The following PGAP1 variants were observed in gnomAD, a reference collection of about 807,000 sequenced individuals.
PGAP1 encodes GPI inositol-deacylase.
A neutral mutation model predicts 127.0 loss-of-function variants in PGAP1; 76 were observed. That is an observed-to-expected ratio of 0.60 (90% CI 0.50 to 0.72). The LOEUF (loss-of-function observed/expected upper bound fraction) is 0.72. PGAP1 is among the 30% of genes least tolerant of loss of function. PGAP1 has a pLI of 0.00. For synonymous variants in PGAP1, 362 were observed against 366.5 expected, an observed-to-expected ratio of 0.99 and a Z score of 0.14; for missense variants, 982 against 1,071.3, an observed-to-expected ratio of 0.92 and a Z score of 1.16.
chr2:196,863,712 G>A (rs1347501925), intron 20 of PGAP1, among the ~76,000 whole-genome samples: 1 of 152,062 alleles, frequency 6.6e-6, no homozygotes, highest in East Asian at 1.9e-4. Flanking sequence ...TGGACAGCTA[G>A]GATTACAGGC....
chr2:196,863,890 T>C (rs1227014799), intron 20 of PGAP1, among the ~76,000 whole-genome samples: 3 of 152,038 alleles, frequency 2.0e-5, no homozygotes, highest in African/African-American at 4.8e-5. Context: ...ATGACTATAG[T>C]TAATAATTTA....
At chr2:196,884,825 C>T (rs1701845802) in intron 12 of PGAP1, among the ~76,000 whole-genome samples, 1 of 152,174 alleles carries the variant, frequency 6.6e-6, no homozygotes. Flanking sequence ...ATTTTCATCA[C>T]ATTTTAGGAT....
chr2:196,926,334 G>A (rs1365942749), intron 1 of PGAP1, 136 bp downstream of exon 1: 9 of 1,339,406 alleles, frequency 6.7e-6, no homozygotes, highest in Admixed American at 4.5e-5. Context: ...CTCCCCGGGC[G>A]GAGAAAACAG....
At chr2:196,882,524 T>C (rs1701765572) in intron 12 of PGAP1, among the ~76,000 whole-genome samples, 1 of 152,198 alleles carries the variant, frequency 6.6e-6, no homozygotes, top group Admixed American at 6.5e-5. Flanking sequence ...CTCTGATTTA[T>C]TTGAACAGTG....
At chr2:196,842,013 C>T (rs1359554132) in intron 26 of PGAP1, among the ~76,000 whole-genome samples, 11 of 150,334 alleles carry the variant, frequency 7.3e-5, no homozygotes, top group Admixed American at 7.3e-4. Flanking sequence ...TTCAATAAGA[C>T]ATAGCTACAG....
Position 196,835,159 on chromosome 2 carries a change from G to A in PGAP1, c.*6075C>T, listed in dbSNP as rs1255596773. On this transcript the variant is annotated 3_prime_UTR_variant, in exon 27 of 27. Coordinates refer to ENST00000354764, the MANE Select transcript of PGAP1 (RefSeq NM_024989.4). ...ATCACATTTTCTACTTTTCTTCCAT[G>A]AGAACAACATATTAATGTTAACACT... The A allele has an allele frequency of 2.6e-5, 4 of 151,936 alleles. No individual in the cohort carries two copies. The highest frequency in any genetic ancestry group is 7.2e-5 in the African/African-American group (3 of 41,414). The allele number at this position is 151,936 out of a possible 1,614,324, so 9.4% of individuals were successfully genotyped here. A position where few individuals can be genotyped will look rare whatever the true frequency, so the allele number is the denominator to read the frequency against.
chr2:196,846,949 A>G, intron 22 of PGAP1, 54 bp downstream of exon 22: 1 of 1,401,858 alleles, frequency 7.1e-7, no homozygotes, highest in Non-Finnish European at 9.8e-7. Flanking sequence ...TCCTTATCAG[A>G]ATATATATTT....
rs138036688 is a variant in PGAP1 at position 196,843,946 on chromosome 2, G to C, written c.2467C>G (p.Leu823Val). 231 of 1,593,808 alleles carry C rather than the reference G, an allele frequency of 1.4e-4. 1 individual carries two copies. The East Asian group carries it at 4.1e-3, about 28-fold the overall frequency. ...LRMHSTVINL[L>V]TWIVLLSMPS... The stretch of plus-strand genomic sequence containing the variant: ...ATGCTGAGTAATACAATCCATGTTA[G>C]TAAGTTAATCACAGTACTGTGCATG... The change falls in exon 25 of 27, where the codon CTA becomes GTA. Residue 823 changes from leucine to valine, a missense_variant. By Grantham distance (32) the Leu-to-Val change is conservative. Coordinates refer to ENST00000354764, the MANE Select transcript of PGAP1 (RefSeq NM_024989.4).
At chr2:196,897,329 C>A in intron 6 of PGAP1, 132 bp from the exon 7 acceptor site, 2 of 475,908 alleles carry the variant, frequency 4.2e-6, no homozygotes, top group East Asian at 7.3e-5. Context: ...AATTATGTAA[C>A]AAATCATTCT....
chr2:196,923,203 T>C (rs769131688), intron 1 of PGAP1, among the ~76,000 whole-genome samples: 2 of 152,196 alleles, frequency 1.3e-5, no homozygotes, highest in Non-Finnish European at 2.9e-5. Context: ...TGTTTATCGA[T>C]TATTTTTTAG....
chr2:196,914,986 T>C (rs1043131372), intron 3 of PGAP1, among the ~76,000 whole-genome samples: 1 of 152,074 alleles, frequency 6.6e-6, no homozygotes, highest in African/African-American at 2.4e-5. Context: ...CCAGCTAATA[T>C]ATATATTTTT....
chr2:196,840,880 G>T lies in PGAP1; in HGVS notation c.*354C>A. On this transcript the variant is annotated 3_prime_UTR_variant, in exon 27 of 27. Transcript: ENST00000354764. ...GTTTGATGAAATGAGCAGAATGCTT[G>T]CAGTGAGACTGCAAATAATGCTGCA... is the stretch of plus-strand genomic sequence containing the variant. 1 of 174,090 alleles carries T rather than the reference G, an allele frequency of 5.7e-6. No individual in the cohort carries two copies. Among genetic ancestry groups the T allele is most frequent in the East Asian group, 1.5e-4 (1 of 6,592 alleles). The allele number at this position is 174,090 out of a possible 1,614,324, so 10.8% of individuals were successfully genotyped here. A position where few individuals can be genotyped will look rare whatever the true frequency, so the allele number is the denominator to read the frequency against.
chr2:196,894,120 A>G (rs1292458231), intron 7 of PGAP1, among the ~76,000 whole-genome samples: 1 of 152,230 alleles, frequency 6.6e-6, no homozygotes, highest in African/African-American at 2.4e-5. Context: ...CAAATAACTG[A>G]TTCCTTATTA....
chr2:196,914,710 T>C (rs1702943778), intron 3 of PGAP1, among the ~76,000 whole-genome samples: 1 of 151,958 alleles, frequency 6.6e-6, no homozygotes, highest in Non-Finnish European at 1.5e-5. Flanking sequence ...ATTTCTCAAC[T>C]TCCATACACT....
Position 196,872,840 on chromosome 2 carries a change from AAAGGATACATAC to A in PGAP1, c.1619+108_1619+119del, listed in dbSNP as rs568586942. ...TTAAATTATAGGAACAATGCTACAT[AAAGGATACATAC>A]ATTTTACTGATGCATTTTAATAATT... is the stretch of plus-strand genomic sequence containing the variant. On this transcript the variant is annotated intron_variant, in intron 17 of 26. Transcript: ENST00000354764. The A allele has an allele frequency of 5.0e-6, 3 of 602,002 alleles. 1 individual carries two copies. In the South Asian group the frequency reaches 6.7e-5, roughly 13 times the overall value. The allele number at this position is 602,002 out of a possible 1,614,324, so 37.3% of individuals were successfully genotyped here.
chr2:196,860,210 T>C (rs562094378), intron 20 of PGAP1, among the ~76,000 whole-genome samples: 5 of 152,204 alleles, frequency 3.3e-5, no homozygotes, highest in Admixed American at 6.5e-5. Flanking sequence ...AGTAACTTTC[T>C]ATACACTAAT....
chr2:196,896,312 G>T (rs1387111703), intron 7 of PGAP1, among the ~76,000 whole-genome samples: 1 of 152,082 alleles, frequency 6.6e-6, no homozygotes, highest in Admixed American at 6.5e-5. Flanking sequence ...TACACATTTC[G>T]ATCTTACCAG....
chr2:196,879,504 G>C (rs1194437198), intron 13 of PGAP1, among the ~76,000 whole-genome samples: 1 of 152,196 alleles, frequency 6.6e-6, no homozygotes, highest in South Asian at 2.1e-4. Context: ...AGACCATCCT[G>C]GCCAGCATGG....
chr2:196,914,320 A>G (rs1702930185), intron 3 of PGAP1, among the ~76,000 whole-genome samples: 1 of 151,998 alleles, frequency 6.6e-6, no homozygotes, highest in Admixed American at 6.6e-5. Context: ...TTACAGCAAA[A>G]CTCTAAAAGC....
Sources: allele counts gnomAD v4.1 joint callset (sites outside exome capture counted in the v4.1 genomes callset), GRCh38; gene constraint gnomAD v4.1.1; transcripts MANE v1.5; gene names NCBI Gene and HGNC (gene_info 2026-07-23, HGNC 2026-07-21).